The following GUCY2C variants were observed in gnomAD, a reference collection of about 807,000 sequenced individuals.
GUCY2C encodes the protein guanylyl cyclase C.
Under a neutral mutation model 131.1 loss-of-function variants are expected in GUCY2C, and 118 were observed. That is an observed-to-expected ratio of 0.90 (90% CI 0.78 to 1.05). The LOEUF (loss-of-function observed/expected upper bound fraction) is 1.05, where lower values mean the gene tolerates loss of function less well. Among genes scored for constraint, GUCY2C ranks in the 50% least tolerant of loss-of-function variants. The probability of loss-of-function intolerance (pLI) is 0.00; values close to 1 mark genes in which losing one functional copy is unlikely to be tolerated. For missense variants in GUCY2C, 1,161 were observed against 1,304.4 expected, an observed-to-expected ratio of 0.89 and a Z score of 1.69; for synonymous variants, 452 against 457.8, an observed-to-expected ratio of 0.99 and a Z score of 0.16.
intron 9 of GUCY2C, 81 bp from the exon 10 acceptor site, chr12:14,669,914 C>A: frequency 1.7e-6 from 1 of 597,422 alleles, no homozygotes; most frequent in Non-Finnish European, 2.9e-6. Flanking sequence ...TGATTCTACA[C>A]AATGACGCTT....
At chr12:14,695,275 A>G (rs1948636620) in intron 1 of GUCY2C, among the ~76,000 whole-genome samples, 1 of 152,116 alleles carries the variant, frequency 6.6e-6, no homozygotes, top group Non-Finnish European at 1.5e-5. Context: ...TTCCCCCTTT[A>G]TTTTACACAT....
At chr12:14,614,041 T>A (rs964432392) in intron 26 of GUCY2C, among the ~76,000 whole-genome samples, 1 of 152,074 alleles carries the variant, frequency 6.6e-6, no homozygotes, top group African/African-American at 2.4e-5. Flanking sequence ...CAGGTCCTGT[T>A]TTCATCAGGC....
In GUCY2C at chr12:14,669,416, A is replaced by G. The variant is rs929703531; in HGVS notation, c.1282+306T>C. ...TTTTTGGTAGAGACAGAGTTTCACC[A>G]TGTTGCCCAGGCTGGTCTGAAACTT... is the stretch of plus-strand genomic sequence containing the variant. On this transcript the variant is annotated intron_variant, in intron 10 of 26. Transcript: ENST00000261170. Among the ~76,000 whole-genome samples, 3 of 151,092 alleles carry G rather than the reference A, an allele frequency of 2.0e-5. No homozygotes were observed. In the South Asian group the frequency reaches 6.3e-4, roughly 32 times the overall value.
rs2136962818 is a variant in GUCY2C, at chr12:14,613,127, G to T, written c.3212C>A (p.Thr1071Asn). ...ATACCTCATTTAGGTTTAAAAATAG[G>T]TGCTCTCCTTGTCTGTGGTATTCAG... ...LQLNTTDKES[T>N]YF Residue 1071 changes from threonine (T) to asparagine (N), a missense_variant, in exon 27 of 27, where the codon ACC (threonine) becomes AAC (asparagine). Transcript: ENST00000261170. This position sits in a 1 kb window ranked among gnomAD's most constrained non-coding sequence, Gnocchi z 4.9. 3 of 1,612,850 alleles carry T rather than the reference G, an allele frequency of 1.9e-6. No individual in the cohort carries two copies. In the East Asian group the frequency reaches 6.7e-5, roughly 36 times the overall value.
chr12:14,673,067 T>G, intron 8 of GUCY2C, 109 bp from the exon 9 acceptor site: 1 of 678,200 alleles, frequency 1.5e-6, no homozygotes, highest in South Asian at 1.8e-5. Context: ...TGTTTCAAAT[T>G]TACTGAAAAC....
At chr12:14,684,069 G>A (rs1394100345) in intron 3 of GUCY2C, among the ~76,000 whole-genome samples, 1 of 152,062 alleles carries the variant, frequency 6.6e-6, no homozygotes, top group Non-Finnish European at 1.5e-5. Context: ...GTCTGCCTGT[G>A]TCTTTCCTAT....
At chr12:14,688,509 C>A (rs1053695864) in intron 1 of GUCY2C, among the ~76,000 whole-genome samples, 5 of 152,096 alleles carry the variant, frequency 3.3e-5, no homozygotes, top group African/African-American at 1.2e-4. Flanking sequence ...ATTATGATAA[C>A]CTGTTCTTTC....
intron 7 of GUCY2C, among the ~76,000 whole-genome samples, chr12:14,675,077 G>A (rs1018191970): frequency 3.3e-5 from 5 of 151,836 alleles, no homozygotes; most frequent in Admixed American, 6.6e-5. Context: ...CTGCTGTGGT[G>A]GCACATGCCT....
intron 19 of GUCY2C, among the ~76,000 whole-genome samples, chr12:14,631,355 A>G (rs1280402387): frequency 3.3e-5 from 5 of 150,818 alleles, no homozygotes; most frequent in African/African-American, 9.8e-5. Context: ...AGCATTAGGT[A>G]TATCTCCTAA....
In GUCY2C at chr12:14,613,327, C is replaced by T. The variant is rs1037609999; in HGVS notation, c.3048-36G>A. Reference sequence around the variant, plus strand: ...AGTGGGAAGAGAAAATAGAACTTCTCAGCAATTCATACAGAATATTCCTTA... The same window carrying T: ...AGTGGGAAGAGAAAATAGAACTTCTTAGCAATTCATACAGAATATTCCTTA... On this transcript the variant is annotated intron_variant, in intron 26 of 26. Coordinates refer to ENST00000261170, the MANE Select transcript of GUCY2C (RefSeq NM_004963.4). This position sits in a 1 kb window ranked among gnomAD's most constrained non-coding sequence, Gnocchi z 4.9. The T allele has an allele frequency of 2.7e-6, 4 of 1,503,102 alleles. No homozygotes were observed. The highest frequency in any genetic ancestry group is 3.7e-6 in the Non-Finnish European group (4 of 1,079,764). The allele number at this position is 1,503,102 out of a possible 1,614,324, so 93.1% of individuals were successfully genotyped here.
In GUCY2C at chr12:14,652,074, C is replaced by G. The variant is rs767071941; in HGVS notation, c.1534-44G>C. On this transcript the variant is annotated intron_variant, in intron 13 of 26. Transcript: ENST00000261170. Reference sequence around the variant, plus strand: ...TTTAGGAGACAGTGTTGTGGTGTAACTCTTTACATGCATATTATAACAGTT... The same window carrying G: ...TTTAGGAGACAGTGTTGTGGTGTAAGTCTTTACATGCATATTATAACAGTT... 1.1e-5 allele frequency: 12 copies of G among 1,051,724 alleles called. No homozygotes were observed. The Admixed American group carries it at 2.1e-4, about 18-fold the overall frequency. The allele number at this position is 1,051,724 out of a possible 1,614,324, so 65.1% of individuals were successfully genotyped here. A position where few individuals can be genotyped will look rare whatever the true frequency, so the allele number is the denominator to read the frequency against.
At chr12:14,674,445 G>A (rs545190696) in intron 8 of GUCY2C, 180 bp downstream of exon 8, 20 of 691,640 alleles carry the variant, frequency 2.9e-5, no homozygotes, top group South Asian at 7.7e-5. Context: ...AACATAAACC[G>A]GAGTTCAGTT....
chr12:14,632,104 G>T (rs1009783400), intron 19 of GUCY2C, among the ~76,000 whole-genome samples: 4 of 152,136 alleles, frequency 2.6e-5, no homozygotes, highest in African/African-American at 7.2e-5. Flanking sequence ...TTTGTTTGAG[G>T]TCATTGTAGA....
intron 10 of GUCY2C, 72 bp from the exon 11 acceptor site, chr12:14,661,134 A>G (rs1947859193): frequency 1.1e-6 from 1 of 941,568 alleles, no homozygotes; most frequent in Admixed American, 1.9e-5. Context: ...CTAGCTGTAC[A>G]ATGTAATTTG....
At chr12:14,685,834 A>T (rs1291998404) in intron 3 of GUCY2C, among the ~76,000 whole-genome samples, 1 of 152,106 alleles carries the variant, frequency 6.6e-6, no homozygotes, top group Non-Finnish European at 1.5e-5. Flanking sequence ...CCCTCTACCC[A>T]TACTTTTGTG....
In GUCY2C at chr12:14,616,701, T is replaced by C; in HGVS notation, c.2902A>G (p.Thr968Ala). 1 of 1,605,442 alleles carries C rather than the reference T, an allele frequency of 6.2e-7. No homozygotes were observed. The highest frequency in any genetic ancestry group is 8.5e-7 in the Non-Finnish European group (1 of 1,172,198). Residue 968 changes from threonine (T) to alanine (A), a missense_variant, in exon 25 of 27, where the codon ACC (threonine) becomes GCC (alanine). Coordinates refer to ENST00000261170, the MANE Select transcript of GUCY2C (RefSeq NM_004963.4). ...TCAGTTCTCTTCAGGATGGCTATGG[T>C]GGAGCCACTCACGTGAATTCTCAAA... ...LPLRIHVSGS[T>A]IAILKRTECQ...
chr12:14,683,534 C>G (rs1948394686), intron 3 of GUCY2C, among the ~76,000 whole-genome samples: 1 of 152,146 alleles, frequency 6.6e-6, no homozygotes, highest in Non-Finnish European at 1.5e-5. Flanking sequence ...ATCATGATAT[C>G]TGGGCTGGGA....
At chr12:14,653,122 T>A in intron 12 of GUCY2C, 108 bp from the exon 13 acceptor site, 3 of 835,288 alleles carry the variant, frequency 3.6e-6, no homozygotes, top group Non-Finnish European at 6.3e-6. Context: ...GTTTCCTCAA[T>A]AACATGCTGG....
chr12:14,656,444 T>A, intron 12 of GUCY2C, 68 bp downstream of exon 12: 1 of 769,942 alleles, frequency 1.3e-6, no homozygotes, highest in Non-Finnish European at 2.3e-6. Flanking sequence ...TATCCTGCAA[T>A]GCTACTTAAG....
Sources: gnomAD v4.1 joint callset for allele counts (sites outside exome capture counted in the v4.1 genomes callset) on GRCh38, gnomAD v4.1.1 for gene constraint, Gnocchi (gnomAD v3.1) non-coding constraint, MANE v1.5 for transcripts, NCBI Gene and HGNC (gene_info 2026-07-23, HGNC 2026-07-21) for gene names.